C14orf132: variants seen among roughly 807,000 people sequenced by gnomAD.
The protein encoded by C14orf132 is uncharacterized protein C14orf132.
A neutral mutation model predicts 5.8 loss-of-function variants in C14orf132; 6 were observed. The ratio of observed to expected loss-of-function variants is 1.03; its 90% CI spans 0.57 to 2.04. The LOEUF is 2.04. Ranked by LOEUF, C14orf132 falls within the 30% of genes most tolerant of loss-of-function variation. C14orf132 has a pLI of 0.00. For missense variants in C14orf132, 125 were observed against 115.8 expected (o/e 1.08, Z -0.37); for synonymous variants, 51 against 49.8 (o/e 1.02, Z -0.10).
At chr14:96,072,673 A>T (rs773122764) in intron 1 of C14orf132, among the ~76,000 whole-genome samples, 6 of 152,096 alleles carry the variant, frequency 3.9e-5, no homozygotes, top group Non-Finnish European at 7.4e-5. Context: ...CCACTACCTG[A>T]CACATCCCTG....
At chr14:96,045,958 C>G (rs1318883914) in intron 1 of C14orf132, among the ~76,000 whole-genome samples, 1 of 152,162 alleles carries the variant, frequency 6.6e-6, no homozygotes, top group African/African-American at 2.4e-5. Context: ...TCTGGTGCCT[C>G]TAGGCAACTT....
rs2139691690 is a variant in C14orf132 at position 96,090,555 on chromosome 14, A to AG, written c.*3821dup. ...AGGGACCCAGGCAGGATGATGGCGC[A>AG]GCTCTTCCTACTCCAAGCCAATGCT... On this transcript the variant is annotated 3_prime_UTR_variant, in exon 2 of 2. Transcript: ENST00000555004. 4.4e-6 allele frequency: 2 copies of AG among 454,368 alleles called. No homozygotes were observed. Among genetic ancestry groups the AG allele is most frequent in the South Asian group, 3.1e-5 (2 of 64,398 alleles). The allele number at this position is 454,368 out of a possible 1,614,324, so 28.1% of individuals were successfully genotyped here.
intron 1 of C14orf132, among the ~76,000 whole-genome samples, chr14:96,075,009 A>G (rs929319284): frequency 1.3e-5 from 2 of 152,130 alleles, no homozygotes; most frequent in African/African-American, 4.8e-5. Flanking sequence ...ATCTGGGGAG[A>G]ATTCACATCT....
At chr14:96,063,079 G>A (rs563874721) in intron 1 of C14orf132, among the ~76,000 whole-genome samples, 1 of 152,240 alleles carries the variant, frequency 6.6e-6, no homozygotes, top group South Asian at 2.1e-4. Context: ...GAGTTTGGAA[G>A]GTGGATGAGG....
At position 96,087,871 on chromosome 14, in the gene C14orf132, A is replaced by G. The variant is rs1388235194; in HGVS notation, c.*1136A>G. The stretch of plus-strand genomic sequence containing the variant: ...GCATCTGGGGTCCTGGCAAGCAAGG[A>G]AGCTTCCAAGTAAAAACCAGAGAGA... On this transcript the variant is annotated 3_prime_UTR_variant, in exon 2 of 2. Coordinates refer to ENST00000555004, the MANE Select transcript of C14orf132 (RefSeq NM_001252507.3). 1 of 152,144 alleles carries G rather than the reference A, an allele frequency of 6.6e-6. No homozygotes were observed. Among genetic ancestry groups the G allele is most frequent in the Non-Finnish European group, 1.5e-5 (1 of 68,034 alleles). 9.4% of individuals were successfully genotyped at this position (152,144 alleles called of 1,614,324 possible).
At chr14:96,041,124 T>C (rs1886683676) in intron 1 of C14orf132, among the ~76,000 whole-genome samples, 1 of 152,224 alleles carries the variant, frequency 6.6e-6, no homozygotes, top group African/African-American at 2.4e-5. Context: ...GGTCAATGTA[T>C]TCTCCTTGAC....
intron 1 of C14orf132, among the ~76,000 whole-genome samples, chr14:96,049,528 A>G (rs1200858079): frequency 2.9e-5 from 4 of 139,544 alleles, no homozygotes; most frequent in Non-Finnish European, 4.7e-5. Context: ...ATATATATAC[A>G]CATATATACA....
chr14:96,086,643 T>G lies in C14orf132; in HGVS notation c.160T>G (p.Ser54Ala). Residue 54 changes from serine (S) to alanine (A), a missense_variant, in exon 2 of 2, where the codon TCC (serine) becomes GCC (alanine). Physicochemically the swap from Ser to Ala is moderately conservative, Grantham distance 99 (BLOSUM62 1). Transcript: ENST00000555004. ...GQGQPEDPPR[S>A]SNDAVLLWIA... ...GGGCCAGCCGGAAGATCCTCCTCGG[T>G]CCTCCAACGACGCCGTCTTGCTATG... The G allele has an allele frequency of 6.5e-7, 1 of 1,536,160 alleles. No individual in the cohort carries two copies. The highest frequency in any genetic ancestry group is 8.7e-7 in the Non-Finnish European group (1 of 1,146,914).
At chr14:96,079,365 A>G (rs1887965637) in intron 1 of C14orf132, among the ~76,000 whole-genome samples, 2 of 152,230 alleles carry the variant, frequency 1.3e-5, no homozygotes, top group Non-Finnish European at 2.9e-5. Context: ...TGCAGCTCTT[A>G]TAATGAATCC....
chr14:96,068,809 C>G (rs898070012), intron 1 of C14orf132, among the ~76,000 whole-genome samples: 5 of 152,228 alleles, frequency 3.3e-5, no homozygotes, highest in African/African-American at 1.2e-4. Context: ...TGGCTGCACC[C>G]TGGGATGCCC....
At chr14:96,048,639 C>A (rs1330738040) in intron 1 of C14orf132, among the ~76,000 whole-genome samples, 1 of 152,092 alleles carries the variant, frequency 6.6e-6, no homozygotes, top group East Asian at 1.9e-4. Context: ...GATTCACCTG[C>A]CTCAGCCTCC....
intron 1 of C14orf132, among the ~76,000 whole-genome samples, chr14:96,052,515 C>G (rs576540314): frequency 1.3e-5 from 2 of 152,388 alleles, no homozygotes; most frequent in African/African-American, 4.8e-5. Flanking sequence ...TTGCTGCTGC[C>G]CAGCCCAGGG....
At position 96,051,246 on chromosome 14, in the gene C14orf132, T is replaced by A. The variant is rs8011130; in HGVS notation, c.27+11719T>A. Reference sequence around the variant, plus strand: ...AGGTATCCTGTGACAGGATGTTCCATGAGACATTGAGGGAGCCAGTCTTTG... The same window carrying A: ...AGGTATCCTGTGACAGGATGTTCCAAGAGACATTGAGGGAGCCAGTCTTTG... On this transcript the variant is annotated intron_variant, in intron 1 of 1. Coordinates refer to ENST00000555004, the MANE Select transcript of C14orf132 (RefSeq NM_001252507.3). The A allele has an allele frequency of 2.3e-5, 9 of 398,500 alleles. No homozygotes were observed. The East Asian group carries it at 3.2e-4, about 14-fold the overall frequency. 24.7% of individuals were successfully genotyped at this position (398,500 alleles called of 1,614,324 possible). A position where few individuals can be genotyped will look rare whatever the true frequency, so the allele number is the denominator to read the frequency against.
rs1886634294 is a variant in C14orf132 at position 96,039,739 on chromosome 14, C to T, written c.27+212C>T. The stretch of plus-strand genomic sequence containing the variant: ...GGTGGGGCGGGCTGCGCGCCCCGCA[C>T]CCCCGCGGCTCGAGCTGTTCCCGCC... On this transcript the variant is annotated intron_variant, in intron 1 of 1. Transcript: ENST00000555004. This position sits in a 1 kb window ranked among gnomAD's most constrained non-coding sequence, Gnocchi z 5.3. Among the ~76,000 whole-genome samples, 1 of 152,150 alleles carries T rather than the reference C, an allele frequency of 6.6e-6. No individual in the cohort carries two copies. Among genetic ancestry groups the T allele is most frequent in the African/African-American group, 2.4e-5 (1 of 41,454 alleles).
At chr14:96,085,460 T>G (rs1018416728) in intron 1 of C14orf132, among the ~76,000 whole-genome samples, 7 of 152,240 alleles carry the variant, frequency 4.6e-5, no homozygotes, top group Non-Finnish European at 7.3e-5. Flanking sequence ...TTCACTGCTG[T>G]GTCCGGGATC....
intron 1 of C14orf132, among the ~76,000 whole-genome samples, chr14:96,056,572 T>A (rs1298040451): frequency 6.6e-6 from 1 of 152,172 alleles, no homozygotes; most frequent in Non-Finnish European, 1.5e-5. Context: ...TTTCCTCTAC[T>A]GTAAAGTGGG....
chr14:96,076,038 C>A (rs551286171), intron 1 of C14orf132, among the ~76,000 whole-genome samples: 5 of 152,198 alleles, frequency 3.3e-5, no homozygotes, highest in Non-Finnish European at 5.9e-5. Flanking sequence ...TCAATAAAAT[C>A]ATTTGGTGAT....
intron 1 of C14orf132, among the ~76,000 whole-genome samples, chr14:96,041,561 T>G (rs957674996): frequency 6.6e-6 from 1 of 152,248 alleles, no homozygotes; most frequent in Non-Finnish European, 1.5e-5. Context: ...TTTCTGCTGT[T>G]GATTCATCCC....
chr14:96,048,686 C>T (rs1886906145), intron 1 of C14orf132, among the ~76,000 whole-genome samples: 1 of 151,950 alleles, frequency 6.6e-6, no homozygotes. Flanking sequence ...CCACCATACC[C>T]AGCTAATTTT....
Sources: allele counts gnomAD v4.1 joint callset (sites outside exome capture counted in the v4.1 genomes callset), GRCh38; gene constraint gnomAD v4.1.1; non-coding constraint Gnocchi (gnomAD v3.1); transcripts MANE v1.5; gene names NCBI Gene and HGNC (gene_info 2026-07-23, HGNC 2026-07-21).